Variants in GOLGA8H observed in about 807,000 individuals in gnomAD.
GOLGA8H encodes the protein golgin subfamily A member 8H.
Under a neutral mutation model 82.7 loss-of-function variants are expected in GOLGA8H, and 47 were observed. That is an observed-to-expected ratio of 0.57 (90% CI 0.45 to 0.73). The LOEUF is 0.73. Ranked by LOEUF, GOLGA8H falls within the 30% of genes least tolerant of loss-of-function variation. The pLI, the probability that GOLGA8H is intolerant of heterozygous loss-of-function variation, is 0.00. For synonymous variants in GOLGA8H, 108 were observed against 241.6 expected (o/e 0.45, Z 5.13); for missense variants, 372 against 661.0 (o/e 0.56, Z 4.79).
chr15:30,608,315 C>T lies in GOLGA8H; in HGVS notation c.349-16C>T, dbSNP rs1325015691. The stretch of plus-strand genomic sequence containing the variant: ...TGCCTCCCCCTGGTAAGAGCTCTGT[C>T]TTCTTCTTCCTACAGGAAAAGAAAG... On this transcript the variant is annotated splice_polypyrimidine_tract_variant and intron_variant, in intron 5 of 18. Coordinates refer to ENST00000566740, the MANE Select transcript of GOLGA8H (RefSeq NM_001282490.2). 2 of 1,593,626 alleles carry T rather than the reference C, an allele frequency of 1.3e-6. No individual in the cohort carries two copies. The highest frequency in any genetic ancestry group is 3.5e-5 in the Admixed American group (2 of 57,736).
intron 9 of GOLGA8H, 41 bp downstream of exon 9, chr15:30,609,933 C>A (rs1478376703): frequency 4.4e-6 from 7 of 1,577,800 alleles, no homozygotes; most frequent in Non-Finnish European, 6.1e-6. Context: ...GAAGATGACC[C>A]CAGGTGGCCA....
chr15:30,606,068 G>C, intron 2 of GOLGA8H, 106 bp downstream of exon 2: 1 of 1,503,458 alleles, frequency 6.7e-7, no homozygotes, highest in Non-Finnish European at 8.9e-7. Flanking sequence ...AAGAATTCTG[G>C]CTTTAGCCGG....
chr15:30,609,022 C>G (rs2059973392), intron 8 of GOLGA8H, among the ~76,000 whole-genome samples: 1 of 134,868 alleles, frequency 7.4e-6, no homozygotes, highest in African/African-American at 2.9e-5. Flanking sequence ...TGGTCTTGAG[C>G]AAGTCCTAGG....
chr15:30,609,818 A>G lies in GOLGA8H; in HGVS notation c.604A>G (p.Ser202Gly), dbSNP rs1278342653. 2 of 1,571,120 alleles carry G rather than the reference A, an allele frequency of 1.3e-6. No homozygotes were observed. Among genetic ancestry groups the G allele is most frequent in the Non-Finnish European group, 1.7e-6 (2 of 1,151,428 alleles). Residue 202 changes from serine (S) to glycine (G), a missense_variant, in exon 9 of 19, where the codon AGC becomes GGC. Physicochemically the swap from Ser to Gly is moderately conservative, Grantham distance 56. Coordinates refer to ENST00000566740, the MANE Select transcript of GOLGA8H (RefSeq NM_001282490.2). ...KKKANQLSSR[S>G]KARTEWKLEQ... ...CTTCACCATCCAGTTGTCCAGCCGC[A>G]GCAAAGCACGTACGGAGTGGAAGTT...
chr15:30,611,445 C>T (rs2060018224), intron 13 of GOLGA8H, 99 bp downstream of exon 13: 3 of 1,525,176 alleles, frequency 2.0e-6, no homozygotes, highest in Non-Finnish European at 2.6e-6. Flanking sequence ...AGCTTCCAGC[C>T]TGGGGGCTGG....
intron 11 of GOLGA8H, 139 bp from the exon 12 acceptor site, chr15:30,610,627 A>T: frequency 6.8e-7 from 1 of 1,469,368 alleles, no homozygotes; most frequent in East Asian, 2.3e-5. Context: ...TGTGCTTTGG[A>T]AGACTGGCTA....
chr15:30,605,913 G>A lies in GOLGA8H; in HGVS notation c.119G>A (p.Gly40Asp). ...GCGAACAGGAACAGGAAAACAAATG[G>A]CAGTGTCCCTGAGAAAGCCACTTCT... ...AGANRNRKTN[G>D]SVPEKATSGG... The change falls in exon 2 of 19, where the codon GGC becomes GAC. Residue 40 changes from glycine (G) to aspartate (D), a missense_variant. By Grantham distance (94) the Gly-to-Asp change is moderately conservative. Coordinates refer to ENST00000566740, the MANE Select transcript of GOLGA8H (RefSeq NM_001282490.2). 6.3e-7 allele frequency: 1 copy of A among 1,593,790 alleles called. No homozygotes were observed. The highest frequency in any genetic ancestry group is 8.5e-7 in the Non-Finnish European group (1 of 1,176,128).
At chr15:30,611,534 G>A (rs2060020190) in intron 13 of GOLGA8H, among the ~76,000 whole-genome samples, 188 bp downstream of exon 13, 1 of 151,174 alleles carries the variant, frequency 6.6e-6, no homozygotes, top group African/African-American at 2.4e-5. Flanking sequence ...GGTAGCCCTG[G>A]GCTCCTCTCA....
Position 30,605,966 on chromosome 15 carries a change from AG to A in GOLGA8H, c.168+5del, listed in dbSNP as rs1212774723. 6.3e-7 allele frequency: 1 copy of A among 1,594,786 alleles called. No homozygotes were observed. Among genetic ancestry groups the A allele is most frequent in the African/African-American group, 1.3e-5 (1 of 74,354 alleles). ...TGGTTGCCAGCCACCTGGGGATGTG[AG>A]TCTTGGCTGACCAGGCTTCTGGGGA... is the stretch of plus-strand genomic sequence containing the variant. On this transcript the variant is annotated splice_donor_5th_base_variant and intron_variant, in intron 2 of 18. Coordinates refer to ENST00000566740, the MANE Select transcript of GOLGA8H (RefSeq NM_001282490.2).
chr15:30,612,870 C>T, intron 14 of GOLGA8H, 198 bp downstream of exon 14: 1 of 750,628 alleles, frequency 1.3e-6, no homozygotes, highest in South Asian at 1.7e-5. Flanking sequence ...GGTGGCTGAA[C>T]TGGCCAAGGT....
In GOLGA8H at chr15:30,616,059, T is replaced by C. The variant is rs1479280752; in HGVS notation, c.*1498T>C. On this transcript the variant is annotated 3_prime_UTR_variant, in exon 19 of 19. Coordinates refer to ENST00000566740, the MANE Select transcript of GOLGA8H (RefSeq NM_001282490.2). ...TTCTTTACAAAGTGAAATATGTTTTTGTACCTCTGGGTTTCTGTTCGGGAC... is the reference window on the plus strand; with the variant it reads ...TTCTTTACAAAGTGAAATATGTTTTCGTACCTCTGGGTTTCTGTTCGGGAC... Among the ~76,000 whole-genome samples the C allele has an allele frequency of 6.6e-6, 1 of 151,982 alleles. No individual in the cohort carries two copies. The highest frequency in any genetic ancestry group is 6.6e-5 in the Admixed American group (1 of 15,230).
At chr15:30,604,255 C>T in intron 1 of GOLGA8H, 82 bp downstream of exon 1, 3 of 1,448,910 alleles carry the variant, frequency 2.1e-6, no homozygotes, top group Non-Finnish European at 2.8e-6. Context: ...GTCTATACGA[C>T]TCCTGAGGCA....
intron 11 of GOLGA8H, among the ~76,000 whole-genome samples, 179 bp downstream of exon 11, chr15:30,610,568 T>C (rs1236304023): frequency 1.3e-5 from 2 of 149,488 alleles, no homozygotes; most frequent in Non-Finnish European, 3.0e-5. Flanking sequence ...AGTGTCCCCA[T>C]CAGGAAAGAG....
At position 30,608,751 on chromosome 15, in the gene GOLGA8H, A is replaced by C. The variant is rs902174946; in HGVS notation, c.586A>C (p.Asn196His). The change falls in exon 8 of 19, where the codon AAC becomes CAC. Residue 196 changes from asparagine to histidine, a missense_variant. By Grantham distance (68) the Asn-to-His change is moderately conservative. Coordinates refer to ENST00000566740, the MANE Select transcript of GOLGA8H (RefSeq NM_001282490.2). ...CATGGCCACACAGAAGAAGAAGGCAAACCAGGTGAGTCCAACCACCTGCCC... is the reference window on the plus strand; with the variant it reads ...CATGGCCACACAGAAGAAGAAGGCACACCAGGTGAGTCCAACCACCTGCCC... ...NVMATQKKKA[N>H]QLSSRSKART... The C allele has an allele frequency of 2.0e-6, 3 of 1,484,042 alleles. No homozygotes were observed. The highest frequency in any genetic ancestry group is 3.9e-5 in the Admixed American group (2 of 51,332). The allele number at this position is 1,484,042 out of a possible 1,614,324, so 91.9% of individuals were successfully genotyped here. A position where few individuals can be genotyped will look rare whatever the true frequency, so the allele number is the denominator to read the frequency against.
At chr15:30,605,658 CTTTTT>C (rs1234018049) in intron 1 of GOLGA8H, among the ~76,000 whole-genome samples, 180 bp from the exon 2 acceptor site, 2 of 149,262 alleles carry the variant, frequency 1.3e-5, no homozygotes, top group South Asian at 4.2e-4. Context: ...TTGCCTTTTT[CTTTTT>C]TTTTTCTAGC....
chr15:30,615,294 C>G lies in GOLGA8H; in HGVS notation c.*733C>G, dbSNP rs897151443. The stretch of plus-strand genomic sequence containing the variant: ...ATTAGCAGTGTATTATGGTGGTTCC[C>G]TTAGGATTTGTATGTGCTCTGGGCT... On this transcript the variant is annotated 3_prime_UTR_variant, in exon 19 of 19. Transcript: ENST00000566740. Among the ~76,000 whole-genome samples the G allele has an allele frequency of 1.3e-5, 2 of 151,702 alleles. No homozygotes were observed. Among genetic ancestry groups the G allele is most frequent in the Non-Finnish European group, 2.9e-5 (2 of 67,898 alleles).
In GOLGA8H at chr15:30,614,597, T is replaced by G; in HGVS notation, c.*36T>G. ...CCTCAAAGAGCTGCTCAAGAAATTTTTAAATAAGAAACCAAGTTATGGGGT... is the reference window on the plus strand; with the variant it reads ...CCTCAAAGAGCTGCTCAAGAAATTTGTAAATAAGAAACCAAGTTATGGGGT... On this transcript the variant is annotated 3_prime_UTR_variant, in exon 19 of 19. Transcript: ENST00000566740. 1 of 1,578,858 alleles carries G rather than the reference T, an allele frequency of 6.3e-7. No homozygotes were observed. Among genetic ancestry groups the G allele is most frequent in the South Asian group, 1.1e-5 (1 of 89,390 alleles).
intron 2 of GOLGA8H, among the ~76,000 whole-genome samples, chr15:30,606,349 T>G (rs2059923685): frequency 6.7e-6 from 1 of 149,674 alleles, no homozygotes. Flanking sequence ...CAAGACTCTG[T>G]CTCAAAGAAA....
In GOLGA8H at chr15:30,608,707, A is replaced by G. The variant is rs1379048714; in HGVS notation, c.542A>G (p.Glu181Gly). Reference sequence around the variant, plus strand: ...TCATTGCAGCGTAAAGGAGAGTTAGAGAGTGTTCTCTCTAATGTCATGGCC... The same window carrying G: ...TCATTGCAGCGTAAAGGAGAGTTAGGGAGTGTTCTCTCTAATGTCATGGCC... ...QHSLQRKGEL[E>G]SVLSNVMATQ... Residue 181 changes from glutamate to glycine, a missense_variant, in exon 8 of 19, where the codon GAG becomes GGG. Glu to Gly is a moderately conservative substitution (Grantham distance 98). Coordinates refer to ENST00000566740, the MANE Select transcript of GOLGA8H (RefSeq NM_001282490.2). 4.5e-6 allele frequency: 7 copies of G among 1,539,332 alleles called. No homozygotes were observed. The highest frequency in any genetic ancestry group is 1.1e-5 in the South Asian group (1 of 88,580).
Sources: gnomAD v4.1 joint callset for allele counts (sites outside exome capture counted in the v4.1 genomes callset) on GRCh38, gnomAD v4.1.1 for gene constraint, MANE v1.5 for transcripts, NCBI Gene and HGNC (gene_info 2026-07-23, HGNC 2026-07-21) for gene names.